EFEMP2: variants seen among roughly 807,000 people sequenced by gnomAD.
EFEMP2 encodes the protein EGF-like fibulin extracellular matrix protein 2, also known as EGF-containing fibulin-like extracellular matrix protein 2.
EFEMP2 carries 21 observed loss-of-function variants against 55.3 expected under a neutral mutation model. The observed-to-expected ratio is 0.38, with a 90% CI of 0.27 to 0.55. EFEMP2 has a LOEUF of 0.55. EFEMP2 is among the 20% of genes least tolerant of loss of function. The probability of loss-of-function intolerance (pLI) is 0.77; values close to 1 mark genes in which losing one functional copy is unlikely to be tolerated. For synonymous variants in EFEMP2, 275 were observed against 242.3 expected (o/e 1.14, Z -1.25); for missense variants, 513 against 615.1 (o/e 0.83, Z 1.76).
rs773745810 is a variant in EFEMP2, at chr11:65,871,369, G to A, written c.161-6C>T. The A allele has an allele frequency of 1.2e-6, 2 of 1,614,038 alleles. No individual in the cohort carries two copies. The highest frequency in any genetic ancestry group is 1.7e-6 in the Non-Finnish European group (2 of 1,179,890). On this transcript the variant is annotated splice_polypyrimidine_tract_variant and splice_region_variant and intron_variant, in intron 3 of 10. Transcript: ENST00000307998. ...GGTCAGACACTCGTTGACATCTGCA[G>A]AGAGGGGCCTGCTGGGCACAGCCAG...
chr11:65,866,505 T>G lies in EFEMP2; in HGVS notation c.*413A>C. ...AGGGAACTACTAGGGCTTATCCAAA[T>G]GTACAGTTTGAGGCAGAGTTAGGAA... On this transcript the variant is annotated 3_prime_UTR_variant, in exon 11 of 11. Coordinates refer to ENST00000307998, the MANE Select transcript of EFEMP2 (RefSeq NM_016938.5). The G allele has an allele frequency of 2.8e-6, 2 of 702,736 alleles. No homozygotes were observed. The highest frequency in any genetic ancestry group is 5.2e-6 in the Non-Finnish European group (2 of 384,974). The allele number at this position is 702,736 out of a possible 1,614,324, so 43.5% of individuals were successfully genotyped here.
At position 65,866,619 on chromosome 11, in the gene EFEMP2, T is replaced by A; in HGVS notation, c.*299A>T. 1 of 702,996 alleles carries A rather than the reference T, an allele frequency of 1.4e-6. No homozygotes were observed. Among genetic ancestry groups the A allele is most frequent in the Non-Finnish European group, 2.6e-6 (1 of 385,104 alleles). The allele number at this position is 702,996 out of a possible 1,614,324, so 43.5% of individuals were successfully genotyped here. A position where few individuals can be genotyped will look rare whatever the true frequency, so the allele number is the denominator to read the frequency against. ...AAGTCCAAATCTCTGGGCCGGGGCC[T>A]GGAGTCCGCCCTCCTCGTTACCTCC... On this transcript the variant is annotated 3_prime_UTR_variant, in exon 11 of 11. Transcript: ENST00000307998.
Position 65,868,572 on chromosome 11 carries a change from G to A in EFEMP2, c.785C>T (p.Pro262Leu). 1 of 1,613,966 alleles carries A rather than the reference G, an allele frequency of 6.2e-7. No individual in the cohort carries two copies. Among genetic ancestry groups the A allele is most frequent in the Admixed American group, 1.7e-5 (1 of 60,022 alleles). ...YLCQYRCINEPGRFSCHCPQG... is the reference protein window; with the variant it reads ...YLCQYRCINELGRFSCHCPQG... ...TGGGCAGTGGCAGGAGAAACGGCCTGGCTCGTTGATGCAGCGGTACTGACA... is the reference window on the plus strand; with the variant it reads ...TGGGCAGTGGCAGGAGAAACGGCCTAGCTCGTTGATGCAGCGGTACTGACA... The change falls in exon 8 of 11, where the codon CCA (proline) becomes CTA (leucine). Residue 262 changes from proline to leucine, a missense_variant. By Grantham distance (98) the Pro-to-Leu change is moderately conservative (BLOSUM62 -3). Coordinates refer to ENST00000307998, the MANE Select transcript of EFEMP2 (RefSeq NM_016938.5).
At chr11:65,870,837 A>G in intron 4 of EFEMP2, 179 bp from the exon 5 acceptor site, 1 of 871,652 alleles carries the variant, frequency 1.1e-6, no homozygotes, top group Non-Finnish European at 1.8e-6. Context: ...CACAGGAAAT[A>G]AGGTCCTGTC....
At position 65,869,801 on chromosome 11, in the gene EFEMP2, C is replaced by T; in HGVS notation, c.727+56G>A. 2.5e-6 allele frequency: 4 copies of T among 1,610,412 alleles called. No homozygotes were observed. In the South Asian group the frequency reaches 3.3e-5, roughly 13 times the overall value. ...GAGAACTGTGTGGCAGGAGGCACGG[C>T]ATAGCTAGGGCCTGGGGGTCCACAG... On this transcript the variant is annotated intron_variant, in intron 7 of 10. Transcript: ENST00000307998.
chr11:65,870,754 C>T (rs917802798), intron 4 of EFEMP2, 96 bp from the exon 5 acceptor site: 31 of 1,581,960 alleles, frequency 2.0e-5, no homozygotes, highest in Non-Finnish European at 2.3e-5. Context: ...CTCAACAGCA[C>T]GCGTAAGAGT....
At chr11:65,871,568 C>T in intron 3 of EFEMP2, 2 of 619,048 alleles carry the variant, frequency 3.2e-6, no homozygotes, top group Admixed American at 2.8e-5. Context: ...CCACTGTTGC[C>T]CTCATTCTCG....
intron 1 of EFEMP2, 141 bp from the exon 2 acceptor site, chr11:65,872,502 T>G: frequency 1.7e-6 from 1 of 599,604 alleles, no homozygotes; most frequent in Non-Finnish European, 3.0e-6. Context: ...GGGGGCCGAC[T>G]CCTCACAGGC....
chr11:65,866,890 T>G lies in EFEMP2; in HGVS notation c.*28A>C, dbSNP rs1859857564. ...CAACAGGCTCCTCAGCTAGGGTAGC[T>G]GCAGGGAGGGTGGCTCCCTCCTGCT... On this transcript the variant is annotated 3_prime_UTR_variant, in exon 11 of 11. Coordinates refer to ENST00000307998, the MANE Select transcript of EFEMP2 (RefSeq NM_016938.5). 1.2e-6 allele frequency: 2 copies of G among 1,613,702 alleles called. No individual in the cohort carries two copies. Among genetic ancestry groups the G allele is most frequent in the Non-Finnish European group, 1.7e-6 (2 of 1,179,798 alleles).
chr11:65,867,776 A>G lies in EFEMP2; in HGVS notation c.1170+85T>C, dbSNP rs1252871586. The G allele has an allele frequency of 3.4e-6, 5 of 1,480,844 alleles. No individual in the cohort carries two copies. The East Asian group carries it at 1.1e-4, about 34-fold the overall frequency. 91.7% of individuals were successfully genotyped at this position (1,480,844 alleles called of 1,614,324 possible). ...GGGCTTTGGGGGAGGGGTGGGGCAT[A>G]GCAGCCTGGCCGAGTTCCCCCTTAA... On this transcript the variant is annotated intron_variant, in intron 10 of 10. Coordinates refer to ENST00000307998, the MANE Select transcript of EFEMP2 (RefSeq NM_016938.5).
rs376350227 is a variant in EFEMP2, at chr11:65,871,176, G to A, written c.348C>T (p.Asp116=). The A allele has an allele frequency of 1.3e-5, 21 of 1,614,080 alleles. No individual in the cohort carries two copies. Among genetic ancestry groups the A allele is most frequent in the South Asian group, 6.6e-5 (6 of 91,092 alleles). The change falls in exon 4 of 11, where the codon GAC becomes GAT. Residue 116 remains aspartate (D), a synonymous_variant. Transcript: ENST00000307998. ...PNPCPPGYEP[D]DQDSCVDVDE... ...ACTCACCCACACAGCTGTCCTGATC[G>A]TCGGGCTCATAGCCTGGTGGGCAGG...
intron 10 of EFEMP2, 25 bp from the exon 11 acceptor site, chr11:65,867,104 A>G (rs1433322624): frequency 6.2e-7 from 1 of 1,613,218 alleles, no homozygotes; most frequent in Non-Finnish European, 8.5e-7. Context: ...GTGGGGGGAC[A>G]TATATATTGT....
Position 65,867,075 on chromosome 11 carries a change from A to AT in EFEMP2, c.1174dup (p.Ile392AsnfsTer66). On this transcript the variant is annotated frameshift_variant, in exon 11 of 11. Transcript: ENST00000307998. LOFTEE classifies it high-confidence loss of function. ...GACCAGCATGGCGCTGACGTTGTTG[A>AT]TTTGCTGCAGGGCAGTGGGTGGGGG... 6.2e-7 allele frequency: 1 copy of AT among 1,613,796 alleles called. No homozygotes were observed. The highest frequency in any genetic ancestry group is 8.5e-7 in the Non-Finnish European group (1 of 1,179,944).
chr11:65,870,089 G>C lies in EFEMP2; in HGVS notation c.607+32C>G, dbSNP rs776481975. Reference sequence around the variant, plus strand: ...CCCCCACCTCACACCTCCCTGCCCAGGACCCAGGAGCCTGGCCCAGCCCAG... The same window carrying C: ...CCCCCACCTCACACCTCCCTGCCCACGACCCAGGAGCCTGGCCCAGCCCAG... On this transcript the variant is annotated intron_variant, in intron 6 of 10. Coordinates refer to ENST00000307998, the MANE Select transcript of EFEMP2 (RefSeq NM_016938.5). 4.3e-6 allele frequency: 7 copies of C among 1,613,168 alleles called. No homozygotes were observed. The Admixed American group carries it at 1.2e-4, about 27-fold the overall frequency.
chr11:65,872,318 G>A lies in EFEMP2; in HGVS notation c.37C>T (p.Leu13=), dbSNP rs1413645786. 3 of 1,551,610 alleles carry A rather than the reference G, an allele frequency of 1.9e-6. No individual in the cohort carries two copies. The highest frequency in any genetic ancestry group is 2.6e-6 in the Non-Finnish European group (3 of 1,147,038). The change falls in exon 2 of 11, where the codon CTG becomes TTG. Residue 13 remains leucine (L), a synonymous_variant. Coordinates refer to ENST00000307998, the MANE Select transcript of EFEMP2 (RefSeq NM_016938.5). ...PCASCLPGSL[L]LWALLLLLLG... ...AGCAACAGTAGCAGCGCCCAGAGCA[G>A]TAGAGACCCGGGTAGGCAGGAGGCG... is the stretch of plus-strand genomic sequence containing the variant.
At position 65,867,083 on chromosome 11, in the gene EFEMP2, C is replaced by T; in HGVS notation, c.1171-4G>A. 2 of 1,613,978 alleles carry T rather than the reference C, an allele frequency of 1.2e-6. No individual in the cohort carries two copies. The highest frequency in any genetic ancestry group is 1.7e-6 in the Non-Finnish European group (2 of 1,180,006). On this transcript the variant is annotated splice_polypyrimidine_tract_variant and splice_region_variant and intron_variant, in intron 10 of 10. Transcript: ENST00000307998. Reference sequence around the variant, plus strand: ...TGGCGCTGACGTTGTTGATTTGCTGCAGGGCAGTGGGTGGGGGGACATATA... The same window carrying T: ...TGGCGCTGACGTTGTTGATTTGCTGTAGGGCAGTGGGTGGGGGGACATATA...
At chr11:65,867,838 G>A in intron 10 of EFEMP2, 23 bp downstream of exon 10, 1 of 1,612,966 alleles carries the variant, frequency 6.2e-7, no homozygotes, top group Non-Finnish European at 8.5e-7. Flanking sequence ...GTGCATGTCA[G>A]TTGAGGGTTG....
rs142551972 is a variant in EFEMP2, at chr11:65,868,193, T to C, written c.974+102A>G. ...TTTTCATGAAGGACTATGATTCCCATCATCCCTCAGGGGCACTCGCTGGTC... is the reference window on the plus strand; with the variant it reads ...TTTTCATGAAGGACTATGATTCCCACCATCCCTCAGGGGCACTCGCTGGTC... On this transcript the variant is annotated intron_variant, in intron 9 of 10. Coordinates refer to ENST00000307998, the MANE Select transcript of EFEMP2 (RefSeq NM_016938.5). 1.0e-4 allele frequency: 163 copies of C among 1,577,968 alleles called. No individual in the cohort carries two copies. In the African/African-American group the frequency reaches 2.0e-3, roughly 19 times the overall value.
At chr11:65,870,958 AG>A (rs1323151453) in intron 4 of EFEMP2, 198 bp downstream of exon 4, 3 of 750,396 alleles carry the variant, frequency 4.0e-6, no homozygotes, top group Non-Finnish European at 6.7e-6. Flanking sequence ...GCAGCAACCG[AG>A]GGGAGGGGCC....
Sources: gnomAD v4.1 joint callset for allele counts on GRCh38, gnomAD v4.1.1 for gene constraint, MANE v1.5 for transcripts, NCBI Gene and HGNC (gene_info 2026-07-23, HGNC 2026-07-21) for gene names.